LRP8: variants seen among roughly 807,000 people sequenced by gnomAD.
LRP8 encodes low-density lipoprotein receptor-related protein 8.
LRP8 carries 46 observed loss-of-function variants against 111.6 expected under a neutral mutation model. That is an observed-to-expected ratio of 0.41 (90% CI 0.33 to 0.53). The LOEUF is 0.53. Among genes scored for constraint, LRP8 ranks in the 20% least tolerant of loss-of-function variants. LRP8 has a pLI of 0.20. For missense variants in LRP8, 959 were observed against 1,297.4 expected, an observed-to-expected ratio of 0.74 and a Z score of 4.01; for synonymous variants, 464 against 511.2, an observed-to-expected ratio of 0.91 and a Z score of 1.24.
chr1:53,322,711 C>T (rs1654673358), intron 2 of LRP8, among the ~76,000 whole-genome samples: 2 of 152,202 alleles, frequency 1.3e-5, no homozygotes, highest in South Asian at 4.1e-4. Flanking sequence ...ACACTGTCGT[C>T]AGATGGCTCC....
chr1:53,322,199 C>T (rs553610982), intron 2 of LRP8, among the ~76,000 whole-genome samples: 8 of 152,164 alleles, frequency 5.3e-5, no homozygotes, highest in East Asian at 3.9e-4. Flanking sequence ...ATTTAATCTC[C>T]GAAAAGGAGG....
At chr1:53,327,718 C>T (rs1249216330) in intron 1 of LRP8, 71 bp downstream of exon 1, 1 of 1,373,936 alleles carries the variant, frequency 7.3e-7, no homozygotes, top group Non-Finnish European at 9.5e-7. Context: ...CCTCCCCGCT[C>T]CGGCCTCCCG....
At position 53,327,715 on chromosome 1, in the gene LRP8, G is replaced by A. The variant is rs1655349003; in HGVS notation, c.124+74C>T. The A allele has an allele frequency of 2.9e-6, 4 of 1,366,652 alleles. No homozygotes were observed. The South Asian group carries it at 4.4e-5, about 15-fold the overall frequency. The allele number at this position is 1,366,652 out of a possible 1,614,324, so 84.7% of individuals were successfully genotyped here. On this transcript the variant is annotated intron_variant, in intron 1 of 18. Coordinates refer to ENST00000306052, the MANE Select transcript of LRP8 (RefSeq NM_004631.5). Reference sequence around the variant, plus strand: ...AGCCCCGGGTTCTGGACCCCTCCCCGCTCCGGCCTCCCGGCCGCGCTTTGT... The same window carrying A: ...AGCCCCGGGTTCTGGACCCCTCCCCACTCCGGCCTCCCGGCCGCGCTTTGT...
chr1:53,281,229 G>T (rs572641770), intron 3 of LRP8, among the ~76,000 whole-genome samples: 1 of 152,228 alleles, frequency 6.6e-6, no homozygotes, highest in Non-Finnish European at 1.5e-5. Context: ...CCCCCTCCCC[G>T]AGTGATGGTG....
At chr1:53,313,083 A>G (rs1294380885) in intron 2 of LRP8, among the ~76,000 whole-genome samples, 1 of 152,190 alleles carries the variant, frequency 6.6e-6, no homozygotes, top group Non-Finnish European at 1.5e-5. Flanking sequence ...GCCACAGCAT[A>G]GATGTACCCA....
At position 53,246,551 on chromosome 1, in the gene LRP8, GTT is replaced by G. The variant is rs74260654; in HGVS notation, c.*465_*466del. ...TCTAAATGGGGGAGGGAGTTGAAGT[GTT>G]TTTTTTTTTTTTTTACTTATGTTGA... is the stretch of plus-strand genomic sequence containing the variant. On this transcript the variant is annotated 3_prime_UTR_variant, in exon 19 of 19. Coordinates refer to ENST00000306052, the MANE Select transcript of LRP8 (RefSeq NM_004631.5). The G allele has an allele frequency of 1.7e-4, 21 of 125,874 alleles. No homozygotes were observed. Among genetic ancestry groups the G allele is most frequent in the Admixed American group, 3.2e-4 (4 of 12,434 alleles). The allele number at this position is 125,874 out of a possible 1,614,324, so 7.8% of individuals were successfully genotyped here. A position where few individuals can be genotyped will look rare whatever the true frequency, so the allele number is the denominator to read the frequency against.
At position 53,243,921 on chromosome 1, in the gene LRP8, G is replaced by A. The variant is rs1645683146; in HGVS notation, c.*3097C>T. On this transcript the variant is annotated 3_prime_UTR_variant, in exon 19 of 19. Transcript: ENST00000306052. ...TGTGAACTCTGTAAAGTCAGAACAT[G>A]TGTGACTGACCTTTACATCTGCAGT... The A allele has an allele frequency of 6.6e-6, 1 of 152,166 alleles. No individual in the cohort carries two copies. Among genetic ancestry groups the A allele is most frequent in the South Asian group, 2.1e-4 (1 of 4,830 alleles). The allele number at this position is 152,166 out of a possible 1,614,324, so 9.4% of individuals were successfully genotyped here. A position where few individuals can be genotyped will look rare whatever the true frequency, so the allele number is the denominator to read the frequency against.
intron 6 of LRP8, chr1:53,274,696 G>A (rs1205771059): frequency 8.8e-6 from 4 of 456,152 alleles, no homozygotes; most frequent in Admixed American, 4.7e-5. Flanking sequence ...GACAGGCACC[G>A]CACCACACTT....
rs1215002512 is a variant in LRP8, at chr1:53,255,110, C to A, written c.2503+7G>T. 6.2e-7 allele frequency: 1 copy of A among 1,613,216 alleles called. No individual in the cohort carries two copies. Among genetic ancestry groups the A allele is most frequent in the South Asian group, 1.1e-5 (1 of 91,064 alleles). Reference sequence around the variant, plus strand: ...TTTTCTCTTCAGTGACTGGGGGCCACACTCACCTATGGGCACGATGATCCC... The same window carrying A: ...TTTTCTCTTCAGTGACTGGGGGCCAAACTCACCTATGGGCACGATGATCCC... On this transcript the variant is annotated splice_region_variant and intron_variant, in intron 16 of 18. Transcript: ENST00000306052.
Position 53,294,386 on chromosome 1 carries a change from A to T in LRP8, c.245-4697T>A, listed in dbSNP as rs1221668541. 6.6e-6 allele frequency among the ~76,000 whole-genome samples: 1 copy of T among 152,216 alleles called. No individual in the cohort carries two copies. Among genetic ancestry groups the T allele is most frequent in the Non-Finnish European group, 1.5e-5 (1 of 68,034 alleles). On this transcript the variant is annotated intron_variant, in intron 2 of 18. Transcript: ENST00000306052. The surrounding 1 kb of genome is among the most constrained non-coding windows in gnomAD (Gnocchi z 4.1). ...ACAAAGGAAGTGGGAAATGCTATTT[A>T]TAACAAGAACACGGGCCAAGGAAAG...
rs1037342804 is a variant in LRP8, at chr1:53,279,249, C to T, written c.496+1338G>A. On this transcript the variant is annotated intron_variant, in intron 4 of 18. Transcript: ENST00000306052. This position sits in a 1 kb window ranked among gnomAD's most constrained non-coding sequence, Gnocchi z 4.4. ...GAGATGAGGGGTGGGAGGACTCTTT[C>T]CTCTGCCTAGGAGGGTGGAAGCTAT... 6.6e-5 allele frequency among the ~76,000 whole-genome samples: 10 copies of T among 152,054 alleles called. No individual in the cohort carries two copies. Among genetic ancestry groups the T allele is most frequent in the Non-Finnish European group, 1.3e-4 (9 of 67,996 alleles).
chr1:53,261,564 G>A (rs1646340943), intron 12 of LRP8, among the ~76,000 whole-genome samples: 1 of 152,232 alleles, frequency 6.6e-6, no homozygotes, highest in African/African-American at 2.4e-5. Flanking sequence ...CAGGGCACAG[G>A]AGGGTCTTCG....
chr1:53,252,804 T>C (rs1433682576), intron 16 of LRP8, among the ~76,000 whole-genome samples: 1 of 152,160 alleles, frequency 6.6e-6, no homozygotes, highest in Non-Finnish European at 1.5e-5. Context: ...ACCAAAATTT[T>C]TATAGAATTG....
chr1:53,278,166 C>T (rs927816304), intron 4 of LRP8, among the ~76,000 whole-genome samples: 3 of 152,214 alleles, frequency 2.0e-5, no homozygotes, highest in Non-Finnish European at 4.4e-5. Flanking sequence ...ACAAGAGAAC[C>T]AGAACTCACA....
Position 53,246,302 on chromosome 1 carries a change from C to T in LRP8, c.*716G>A, listed in dbSNP as rs1645725075. The stretch of plus-strand genomic sequence containing the variant: ...GCTTTTCTGAAAACTACAAGATATA[C>T]CCCTTGTGGACTGTGTGAAAATAAA... On this transcript the variant is annotated 3_prime_UTR_variant, in exon 19 of 19. Coordinates refer to ENST00000306052, the MANE Select transcript of LRP8 (RefSeq NM_004631.5). The T allele has an allele frequency of 6.6e-6, 1 of 152,242 alleles. No homozygotes were observed. Among genetic ancestry groups the T allele is most frequent in the Middle Eastern group, 3.4e-3 (1 of 294 alleles). 9.4% of individuals were successfully genotyped at this position (152,242 alleles called of 1,614,324 possible). A position where few individuals can be genotyped will look rare whatever the true frequency, so the allele number is the denominator to read the frequency against.
chr1:53,260,599 C>A lies in LRP8; in HGVS notation c.1921G>T (p.Val641Leu), dbSNP rs746920831. 6.2e-7 allele frequency: 1 copy of A among 1,614,032 alleles called. No individual in the cohort carries two copies. Among genetic ancestry groups the A allele is most frequent in the Non-Finnish European group, 8.5e-7 (1 of 1,179,958 alleles). Residue 641 changes from valine (V) to leucine (L), a missense_variant, in exon 13 of 19, where the codon GTG becomes TTG. Val to Leu is a conservative substitution (Grantham distance 32). Around this residue, in one of 3 missense-constraint regions of LRP8, gnomAD observed 819 missense variants for 1,097.6 expected, o/e 0.75. Transcript: ENST00000306052. ...PFGIAVFEDK[V>L]FWTDLENEAI... ...TCGTTCTCCAGGTCTGTCCAGAACACCTTGTCCTGTGGGGTATAGATGCAG... is the reference window on the plus strand; with the variant it reads ...TCGTTCTCCAGGTCTGTCCAGAACAACTTGTCCTGTGGGGTATAGATGCAG...
chr1:53,296,488 AG>A, intron 2 of LRP8, among the ~76,000 whole-genome samples: 1 of 152,314 alleles, frequency 6.6e-6, no homozygotes, highest in East Asian at 1.9e-4. Context: ...GGGAGATGAA[AG>A]GGCTGCTCCC....
At chr1:53,280,140 T>C (rs1647057158) in intron 4 of LRP8, among the ~76,000 whole-genome samples, 1 of 151,922 alleles carries the variant, frequency 6.6e-6, no homozygotes, top group Admixed American at 6.5e-5. Flanking sequence ...CCCCCCAGCA[T>C]TGCTGGCGCC....
chr1:53,272,385 C>T (rs1646786096), intron 6 of LRP8, among the ~76,000 whole-genome samples: 1 of 152,154 alleles, frequency 6.6e-6, no homozygotes, highest in South Asian at 2.1e-4. Flanking sequence ...TTTAGAGTCA[C>T]AGAAGGTTAA....
Sources: gnomAD v4.1 joint callset for allele counts (sites outside exome capture counted in the v4.1 genomes callset) on GRCh38, gnomAD v4.1.1 for gene constraint, gnomAD v4.1.1 regional missense constraint, Gnocchi (gnomAD v3.1) non-coding constraint, MANE v1.5 for transcripts, NCBI Gene and HGNC (gene_info 2026-07-23, HGNC 2026-07-21) for gene names.